KIF9: variants seen among roughly 807,000 people sequenced by gnomAD.
The protein encoded by KIF9 is kinesin-like protein KIF9.
KIF9 carries 68 observed loss-of-function variants against 94.8 expected under a neutral mutation model. The ratio of observed to expected loss-of-function variants is 0.72; its 90% CI spans 0.59 to 0.88. The LOEUF is 0.88. KIF9 is among the 40% of genes least tolerant of loss of function. The probability of loss-of-function intolerance (pLI) is 0.00; values close to 1 mark genes in which losing one functional copy is unlikely to be tolerated. For synonymous variants in KIF9, 343 were observed against 362.1 expected (o/e 0.95, Z 0.60); for missense variants, 882 against 982.5 (o/e 0.90, Z 1.37).
chr3:47,277,303 GATCATT>G lies in KIF9; in HGVS notation c.66_71del (p.Glu22_Ile24delinsAsp). 1 of 1,613,842 alleles carries G rather than the reference GATCATT, an allele frequency of 6.2e-7. No individual in the cohort carries two copies. Among genetic ancestry groups the G allele is most frequent in the Non-Finnish European group, 8.5e-7 (1 of 1,179,788 alleles). Reference sequence around the variant, plus strand: ...TTACTCTTTTGTCATCTCCGTATCTGATCATTTCATGAGCAAAGTCATCGGTGGGTT... The same window carrying G: ...TTACTCTTTTGTCATCTCCGTATCTGTCATGAGCAAAGTCATCGGTGGGTT... On this transcript the variant is annotated inframe_deletion, in exon 2 of 21. Coordinates refer to ENST00000684063, the MANE Select transcript of KIF9 (RefSeq NM_182902.4).
chr3:47,268,195 C>G (rs752154464), intron 5 of KIF9, among the ~76,000 whole-genome samples: 3 of 152,082 alleles, frequency 2.0e-5, no homozygotes, highest in Non-Finnish European at 4.4e-5. Context: ...TTTAAAGGGA[C>G]AGTAGGCCCT....
At chr3:47,256,626 C>A (rs528143403) in intron 10 of KIF9, among the ~76,000 whole-genome samples, 24 of 152,332 alleles carry the variant, frequency 1.6e-4, no homozygotes, top group Admixed American at 3.3e-4. Flanking sequence ...CCGGCCACCA[C>A]CCCGTCTGGG....
chr3:47,257,618 G>T, intron 9 of KIF9, 58 bp from the exon 10 acceptor site: 1 of 1,486,168 alleles, frequency 6.7e-7, no homozygotes. Context: ...GACCCCAAGA[G>T]ACCGGCCTTC....
chr3:47,272,374 G>GTAA (rs1701704782), intron 4 of KIF9, among the ~76,000 whole-genome samples: 1 of 152,092 alleles, frequency 6.6e-6, no homozygotes, highest in Admixed American at 6.6e-5. Flanking sequence ...TAAATTTTAT[G>GTAA]TAATTTTAAT....
At chr3:47,236,215 A>G (rs567961277) in intron 18 of KIF9, 66 bp from the exon 19 acceptor site, 33 of 1,252,030 alleles carry the variant, frequency 2.6e-5, no homozygotes, top group East Asian at 9.3e-5. Context: ...CATCTGTCTT[A>G]TATCTGTTGC....
chr3:47,273,245 A>G (rs1179664486), intron 4 of KIF9, among the ~76,000 whole-genome samples: 2 of 152,146 alleles, frequency 1.3e-5, no homozygotes, highest in African/African-American at 4.8e-5. Flanking sequence ...CAAATCCTTA[A>G]TTACAGGATC....
rs6772449 is a variant in KIF9, at chr3:47,244,737, G to T, written c.1514+54C>A. Reference sequence around the variant, plus strand: ...GTGGGAACAGTGCACATCCTCCCATGCACCCACCGAGGAGGGCCAGCTGCT... The same window carrying T: ...GTGGGAACAGTGCACATCCTCCCATTCACCCACCGAGGAGGGCCAGCTGCT... On this transcript the variant is annotated intron_variant, in intron 15 of 20. Coordinates refer to ENST00000684063, the MANE Select transcript of KIF9 (RefSeq NM_182902.4). 0.99 allele frequency: 1,591,737 copies of T among 1,604,848 alleles called. 790,146 individuals carry two copies. The highest frequency in any genetic ancestry group is 1 in the East Asian group (44,780 of 44,780).
chr3:47,254,969 C>T (rs1037836977), intron 10 of KIF9, among the ~76,000 whole-genome samples: 11 of 152,002 alleles, frequency 7.2e-5, no homozygotes, highest in Admixed American at 2.0e-4. Context: ...ATTTGAGAAC[C>T]GCTGCTCTAA....
intron 17 of KIF9, chr3:47,239,742 C>G: frequency 2.3e-6 from 3 of 1,297,616 alleles, no homozygotes; most frequent in Non-Finnish European, 3.1e-6. Context: ...TGTGTGCCAC[C>G]ACGCCCTGCT....
chr3:47,244,384 C>T (rs558154456), intron 15 of KIF9: 110 of 162,600 alleles, frequency 6.8e-4, no homozygotes, highest in Non-Finnish European at 1.3e-3. Context: ...GAGTGCCAGT[C>T]GGCGGGAAGA....
chr3:47,272,284 G>T (rs1200353716), intron 4 of KIF9, among the ~76,000 whole-genome samples: 2 of 152,166 alleles, frequency 1.3e-5, no homozygotes, highest in Non-Finnish European at 2.9e-5. Flanking sequence ...ATTTAGACCG[G>T]TTTTGTTCAA....
Position 47,273,631 on chromosome 3 carries a change from C to T in KIF9, c.287G>A (p.Gly96Glu), listed in dbSNP as rs3733092. 1 of 1,613,996 alleles carries T rather than the reference C, an allele frequency of 6.2e-7. No homozygotes were observed. The highest frequency in any genetic ancestry group is 2.2e-5 in the East Asian group (1 of 44,882). The change falls in exon 4 of 21, where the codon GGA becomes GAA. Residue 96 changes from glycine (G) to glutamate (E), a missense_variant. By Grantham distance (98) the Gly-to-Glu change is moderately conservative. Coordinates refer to ENST00000684063, the MANE Select transcript of KIF9 (RefSeq NM_182902.4). ...NGTIMCYGQTGAGKTYTMMGA... is the reference protein window; with the variant it reads ...NGTIMCYGQTEAGKTYTMMGA... ...CATCATGGTGTATGTCTTGCCAGCTCCCGTCTGCCCATAACACATGATGGT... is the reference window on the plus strand; with the variant it reads ...CATCATGGTGTATGTCTTGCCAGCTTCCGTCTGCCCATAACACATGATGGT...
Position 47,282,577 on chromosome 3 carries a change from T to C in KIF9, c.-88A>G, listed in dbSNP as rs1378751273. The C allele has an allele frequency of 2.8e-5, 30 of 1,062,640 alleles. No homozygotes were observed. Among genetic ancestry groups the C allele is most frequent in the Non-Finnish European group, 3.4e-5 (30 of 874,888 alleles). 65.8% of individuals were successfully genotyped at this position (1,062,640 alleles called of 1,614,324 possible). On this transcript the variant is annotated 5_prime_UTR_variant, in exon 1 of 21. Coordinates refer to ENST00000684063, the MANE Select transcript of KIF9 (RefSeq NM_182902.4). ...CTCCCCACGCGGGGCTGCCTGGCTG[T>C]GTACATAGTCGCCATGGCAACGGGT...
rs148376581 is a variant in KIF9, at chr3:47,260,604, G to A, written c.982-3044C>T. Among the ~76,000 whole-genome samples the A allele has an allele frequency of 1.1e-4, 16 of 152,156 alleles. No homozygotes were observed. In the East Asian group the frequency reaches 2.7e-3, roughly 26 times the overall value. On this transcript the variant is annotated intron_variant, in intron 9 of 20. Transcript: ENST00000684063. Reference sequence around the variant, plus strand: ...AAGTGTGGTTGCTCATTTAATCCTCGCAACTTCCTGTAAGGTAGACGTATC... The same window carrying A: ...AAGTGTGGTTGCTCATTTAATCCTCACAACTTCCTGTAAGGTAGACGTATC...
intron 12 of KIF9, among the ~76,000 whole-genome samples, chr3:47,246,905 CCT>C (rs1243253186): frequency 2.0e-5 from 3 of 151,828 alleles, no homozygotes; most frequent in East Asian, 3.9e-4. Flanking sequence ...CAGCCTTCCC[CCT>C]GAGGACCCTT....
In KIF9 at chr3:47,233,110, C is replaced by T. The variant is rs180925213; in HGVS notation, c.2322+2403G>A. ...GTGCAGTGGCTCATATCTGTAATCC[C>T]AGCACTTTGGGAGGCCAAGGTGGGT... is the stretch of plus-strand genomic sequence containing the variant. On this transcript the variant is annotated intron_variant, in intron 20 of 20. Coordinates refer to ENST00000684063, the MANE Select transcript of KIF9 (RefSeq NM_182902.4). Among the ~76,000 whole-genome samples the T allele has an allele frequency of 2.7e-3, 412 of 151,948 alleles. 3 individuals carry two copies. The highest frequency in any genetic ancestry group is 9.6e-3 in the African/African-American group (396 of 41,450).
At chr3:47,253,840 GA>G (rs1232571832) in intron 10 of KIF9, among the ~76,000 whole-genome samples, 2 of 152,222 alleles carry the variant, frequency 1.3e-5, no homozygotes, top group East Asian at 3.9e-4. Flanking sequence ...GTACTATAAA[GA>G]GTCACTATTT....
rs780700113 is a variant in KIF9 at position 47,240,980 on chromosome 3, TCAAAGG to T, written c.1739_1744del (p.Ala580_Phe581del). On this transcript the variant is annotated inframe_deletion, in exon 17 of 21. Transcript: ENST00000684063. ...ACTACCTTGCTCATTCTTAAACTCCTCAAAGGCCACTGGTTTGGAGGGTGGGGTGTC... is the reference window on the plus strand; with the variant it reads ...ACTACCTTGCTCATTCTTAAACTCCTCCACTGGTTTGGAGGGTGGGGTGTC... 3 of 1,614,180 alleles carry T rather than the reference TCAAAGG, an allele frequency of 1.9e-6. No individual in the cohort carries two copies. In the South Asian group the frequency reaches 3.3e-5, roughly 18 times the overall value.
intron 9 of KIF9, among the ~76,000 whole-genome samples, chr3:47,258,133 T>C (rs1445074015): frequency 6.6e-6 from 1 of 152,242 alleles, no homozygotes; most frequent in Non-Finnish European, 1.5e-5. Context: ...TATTTTCTAG[T>C]AACCATGTAA....
Sources: gnomAD v4.1 joint callset for allele counts (sites outside exome capture counted in the v4.1 genomes callset) on GRCh38, gnomAD v4.1.1 for gene constraint, MANE v1.5 for transcripts, NCBI Gene and HGNC (gene_info 2026-07-23, HGNC 2026-07-21) for gene names.